Variants in LYPLA1 observed in about 807,000 individuals in gnomAD.
The protein encoded by LYPLA1 is lysophospholipase 1.
A neutral mutation model predicts 34.0 loss-of-function variants in LYPLA1; 17 were observed. That is an observed-to-expected ratio of 0.50 (90% confidence interval 0.34 to 0.75). The LOEUF (loss-of-function observed/expected upper bound fraction) is 0.75, where lower values mean the gene tolerates loss of function less well. Among genes scored for constraint, LYPLA1 ranks in the 30% least tolerant of loss-of-function variants. The probability of loss-of-function intolerance (pLI) is 0.01; values close to 1 mark genes in which losing one functional copy is unlikely to be tolerated. For synonymous variants in LYPLA1, 98 were observed against 100.8 expected (o/e 0.97, Z 0.17); for missense variants, 203 against 288.8 (o/e 0.70, Z 2.15).
At chr8:54,061,956 A>G (rs1042248788) in intron 5 of LYPLA1, among the ~76,000 whole-genome samples, 1 of 152,164 alleles carries the variant, frequency 6.6e-6, no homozygotes, top group Non-Finnish European at 1.5e-5. Context: ...CCCAGGTTCA[A>G]GCAACTATCC....
Position 54,101,911 on chromosome 8 carries a change from C to T in LYPLA1, c.-88G>A. 2 of 748,218 alleles carry T rather than the reference C, an allele frequency of 2.7e-6. No individual in the cohort carries two copies. Among genetic ancestry groups the T allele is most frequent in the Non-Finnish European group, 3.5e-6 (2 of 570,502 alleles). The allele number at this position is 748,218 out of a possible 1,614,324, so 46.3% of individuals were successfully genotyped here. On this transcript the variant is annotated 5_prime_UTR_variant, in exon 1 of 9. Transcript: ENST00000316963. ...CGTGCGAGCGGCGAGTCCCGGCCGG[C>T]CCCACCGGGCGCACGCTCAGGCGCG...
intron 2 of LYPLA1, chr8:54,073,315 C>T (rs1467495099): frequency 1.8e-5 from 16 of 865,990 alleles, no homozygotes; most frequent in South Asian, 1.3e-4. Flanking sequence ...CTTCTATGGA[C>T]GGAACTGTGA....
intron 5 of LYPLA1, among the ~76,000 whole-genome samples, chr8:54,058,001 A>G (rs1018830792): frequency 2.2e-4 from 33 of 152,328 alleles, no homozygotes; most frequent in African/African-American, 7.9e-4. Flanking sequence ...TTCCCATTAA[A>G]TATTTTGTTA....
At position 54,063,344 on chromosome 8, in the gene LYPLA1, C is replaced by A; in HGVS notation, c.199G>T (p.Val67Leu). 6.5e-7 allele frequency: 1 copy of A among 1,534,056 alleles called. No homozygotes were observed. Among genetic ancestry groups the A allele is most frequent in the East Asian group, 2.4e-5 (1 of 40,932 alleles). Residue 67 changes from valine to leucine, a missense_variant, in exon 4 of 9, where the codon GTG becomes TTG. Val to Leu is a conservative substitution (Grantham distance 32). Around this residue, in one of 3 missense-constraint regions of LYPLA1, gnomAD observed 123 missense variants for 199.2 expected, o/e 0.62. Coordinates refer to ENST00000316963, the MANE Select transcript of LYPLA1 (RefSeq NM_006330.4). ...CTTACTTACCATGAAGGCATAGCCA[C>A]GTTCATATTTAATGTAACAGGCCTA... ...PVRPVTLNMN[V>L]AMPSWFDIIG...
At position 54,046,484 on chromosome 8, in the gene LYPLA1, T is replaced by TC. The variant is rs1805496035; in HGVS notation, c.*1580dup. On this transcript the variant is annotated 3_prime_UTR_variant, in exon 9 of 9. Coordinates refer to ENST00000316963, the MANE Select transcript of LYPLA1 (RefSeq NM_006330.4). Reference sequence around the variant, plus strand: ...GGAATATTTCTTGCCATAAATAATATCTTGCTGATTTGTAGAAGTGAAATA... The same window carrying TC: ...GGAATATTTCTTGCCATAAATAATATCCTTGCTGATTTGTAGAAGTGAAATA... 1.3e-5 allele frequency: 2 copies of TC among 152,624 alleles called. No homozygotes were observed. The highest frequency in any genetic ancestry group is 2.9e-5 in the Non-Finnish European group (2 of 68,028). The allele number at this position is 152,624 out of a possible 1,614,324, so 9.5% of individuals were successfully genotyped here. A position where few individuals can be genotyped will look rare whatever the true frequency, so the allele number is the denominator to read the frequency against.
At chr8:54,100,013 C>T (rs1045859066) in intron 2 of LYPLA1, among the ~76,000 whole-genome samples, 2 of 152,072 alleles carry the variant, frequency 1.3e-5, no homozygotes, top group East Asian at 1.9e-4. Flanking sequence ...AAAATTTAGT[C>T]GTTCTGGGGC....
chr8:54,092,216 A>AAGG (rs376597210), intron 2 of LYPLA1, among the ~76,000 whole-genome samples: 1 of 147,002 alleles, frequency 6.8e-6, no homozygotes, highest in African/African-American at 2.5e-5. Context: ...GACGGAAGAG[A>AAGG]AGGAGGAGGA....
intron 6 of LYPLA1, among the ~76,000 whole-genome samples, chr8:54,054,216 C>G (rs1806042705): frequency 6.6e-6 from 1 of 152,140 alleles, no homozygotes; most frequent in Non-Finnish European, 1.5e-5. Context: ...CTCCTGACCT[C>G]AAGTGATCCA....
chr8:54,048,529 G>A (rs917789052), intron 8 of LYPLA1, among the ~76,000 whole-genome samples: 2 of 152,174 alleles, frequency 1.3e-5, no homozygotes, highest in Non-Finnish European at 2.9e-5. Flanking sequence ...TAACTATGCT[G>A]TGTCTTTCAT....
chr8:54,083,075 T>C (rs561344955), intron 2 of LYPLA1, among the ~76,000 whole-genome samples: 9 of 152,282 alleles, frequency 5.9e-5, no homozygotes, highest in Admixed American at 2.0e-4. Flanking sequence ...ATTTTTTCCT[T>C]AGAAAAAATT....
chr8:54,050,384 C>T (rs1197406194), intron 8 of LYPLA1, among the ~76,000 whole-genome samples: 1 of 152,152 alleles, frequency 6.6e-6, no homozygotes, highest in African/African-American at 2.4e-5. Context: ...GATCAGATCA[C>T]ATCTCACTTC....
chr8:54,077,066 A>G (rs1289852087), intron 2 of LYPLA1, among the ~76,000 whole-genome samples: 8 of 152,104 alleles, frequency 5.3e-5, no homozygotes, highest in Admixed American at 5.2e-4. Flanking sequence ...GCTATTCACA[A>G]CAGCAAAGAC....
In LYPLA1 at chr8:54,047,315, A is replaced by C. The variant is rs1394425587; in HGVS notation, c.*750T>G. On this transcript the variant is annotated 3_prime_UTR_variant, in exon 9 of 9. Coordinates refer to ENST00000316963, the MANE Select transcript of LYPLA1 (RefSeq NM_006330.4). The stretch of plus-strand genomic sequence containing the variant: ...CCTTATATCTGTGACCCAGAATGTC[A>C]AATTACAGCATGTATTGACAGTAGC... The C allele has an allele frequency of 2.0e-5, 3 of 152,152 alleles. No individual in the cohort carries two copies. The highest frequency in any genetic ancestry group is 6.5e-5 in the Admixed American group (1 of 15,284). The allele number at this position is 152,152 out of a possible 1,614,324, so 9.4% of individuals were successfully genotyped here.
chr8:54,088,314 T>C, intron 2 of LYPLA1, among the ~76,000 whole-genome samples: 1 of 152,346 alleles, frequency 6.6e-6, no homozygotes, highest in East Asian at 1.9e-4. Flanking sequence ...AGGAAAATCT[T>C]TAAAGAGGGA....
intron 2 of LYPLA1, among the ~76,000 whole-genome samples, chr8:54,090,658 C>T (rs766281544): frequency 6.6e-6 from 1 of 152,158 alleles, no homozygotes; most frequent in Non-Finnish European, 1.5e-5. Context: ...ACAGTGACCC[C>T]CCTGGACCCA....
intron 5 of LYPLA1, among the ~76,000 whole-genome samples, chr8:54,057,130 A>G (rs1173749534): frequency 6.6e-6 from 1 of 152,198 alleles, no homozygotes; most frequent in Non-Finnish European, 1.5e-5. Context: ...ATGTGGAGAA[A>G]AGAGAACCCT....
intron 2 of LYPLA1, among the ~76,000 whole-genome samples, chr8:54,069,468 C>G (rs1807309443): frequency 6.6e-6 from 1 of 152,060 alleles, no homozygotes; most frequent in South Asian, 2.1e-4. Context: ...AATCCCAGCA[C>G]TTTGGGAGGC....
chr8:54,060,985 G>A (rs527666609), intron 5 of LYPLA1, among the ~76,000 whole-genome samples: 6 of 148,298 alleles, frequency 4.0e-5, no homozygotes, highest in African/African-American at 1.5e-4. Context: ...GTGAGCCACC[G>A]CACTTGACCA....
At chr8:54,071,011 A>G (rs1807423654) in intron 2 of LYPLA1, among the ~76,000 whole-genome samples, 1 of 152,214 alleles carries the variant, frequency 6.6e-6, no homozygotes, top group African/African-American at 2.4e-5. Flanking sequence ...TATATGAATT[A>G]TATGTCAATA....
Sources: gnomAD v4.1 joint callset for allele counts (sites outside exome capture counted in the v4.1 genomes callset) on GRCh38, gnomAD v4.1.1 for gene constraint, gnomAD v4.1.1 regional missense constraint, MANE v1.5 for transcripts, NCBI Gene and HGNC (gene_info 2026-07-23, HGNC 2026-07-21) for gene names.